Variants in ZNF609 observed in about 807,000 individuals in gnomAD.
ZNF609 encodes the protein zinc finger protein 609.
A neutral mutation model predicts 109.5 loss-of-function variants in ZNF609; 11 were observed. The ratio of observed to expected loss-of-function variants is 0.10; its 90% CI spans 0.06 to 0.17. The LOEUF is 0.17. Ranked by LOEUF, ZNF609 falls within the 10% of genes least tolerant of loss-of-function variation. The pLI is 1.00. For missense variants in ZNF609, 1,559 were observed against 1,772.4 expected (o/e 0.88, Z 2.16); for synonymous variants, 646 against 662.0 (o/e 0.98, Z 0.37).
rs1476865311 is a variant in ZNF609 at position 64,675,971 on chromosome 15, G to C, written c.3117G>C (p.Glu1039Asp). The change falls in exon 5 of 10, where the codon GAG (glutamate) becomes GAC (aspartate). Residue 1039 changes from glutamate (E) to aspartate (D), a missense_variant. Transcript: ENST00000326648. ...LKEREAALKEEWKQKPSIPPT... is the reference protein window; with the variant it reads ...LKEREAALKEDWKQKPSIPPT... ...AGCGGGAGGCAGCACTCAAGGAAGA[G>C]TGGAAGCAAAAGCCGTCAATTCCAC... The C allele has an allele frequency of 6.2e-7, 1 of 1,614,112 alleles. No individual in the cohort carries two copies. Among genetic ancestry groups the C allele is most frequent in the African/African-American group, 1.3e-5 (1 of 74,938 alleles).
chr15:64,523,813 G>A (rs1595707021), intron 2 of ZNF609, among the ~76,000 whole-genome samples: 1 of 151,812 alleles, frequency 6.6e-6, no homozygotes, highest in East Asian at 1.9e-4. Context: ...TAAATTTCAT[G>A]TGAATGGAAG....
intron 2 of ZNF609, among the ~76,000 whole-genome samples, chr15:64,604,598 T>C (rs1337052585): frequency 6.6e-6 from 1 of 152,204 alleles, no homozygotes; most frequent in African/African-American, 2.4e-5. Context: ...AAATAAAATG[T>C]ATGCATATAA....
intron 2 of ZNF609, among the ~76,000 whole-genome samples, chr15:64,620,977 G>A (rs1300739737): frequency 1.3e-5 from 2 of 152,114 alleles, no homozygotes; most frequent in African/African-American, 2.4e-5. Flanking sequence ...CTTGGCTTAC[G>A]GATACATGTA....
chr15:64,470,407 A>G (rs1893076597), intron 1 of ZNF609: 1 of 152,208 alleles, frequency 6.6e-6, no homozygotes, highest in Non-Finnish European at 1.5e-5. Context: ...AGTATGACGA[A>G]CAAGGGGGTA....
chr15:64,663,668 G>A (rs1896609987), intron 3 of ZNF609, among the ~76,000 whole-genome samples: 2 of 152,100 alleles, frequency 1.3e-5, no homozygotes, highest in Admixed American at 6.6e-5. Flanking sequence ...ATGGTGTTCT[G>A]GAAGCCAAGT....
chr15:64,519,078 G>A (rs1321582588), intron 2 of ZNF609, among the ~76,000 whole-genome samples: 1 of 123,268 alleles, frequency 8.1e-6, no homozygotes, highest in Non-Finnish European at 1.6e-5. Context: ...GATGCTGAGA[G>A]CCTATAATTA....
intron 2 of ZNF609, among the ~76,000 whole-genome samples, chr15:64,569,785 G>A (rs1894832473): frequency 6.6e-6 from 1 of 152,230 alleles, no homozygotes. Context: ...CCATCCTTTT[G>A]TGTGTATCAT....
At chr15:64,584,333 A>G (rs1271219001) in intron 2 of ZNF609, among the ~76,000 whole-genome samples, 2 of 151,832 alleles carry the variant, frequency 1.3e-5, no homozygotes, top group African/African-American at 2.4e-5. Context: ...TTATTTATTT[A>G]TTTATTTTTT....
intron 1 of ZNF609, among the ~76,000 whole-genome samples, chr15:64,479,443 C>T (rs1337664002): frequency 6.6e-6 from 1 of 151,802 alleles, no homozygotes; most frequent in Non-Finnish European, 1.5e-5. Flanking sequence ...AGGTGCCCAC[C>T]ACCACGCCTG....
At chr15:64,471,402 T>C (rs1893089838) in intron 1 of ZNF609, 1 of 151,894 alleles carries the variant, frequency 6.6e-6, no homozygotes, top group African/African-American at 2.4e-5. Context: ...GTAGAAAAAT[T>C]TGGTAGGCAA....
At chr15:64,660,765 G>C (rs1185838201) in intron 3 of ZNF609, among the ~76,000 whole-genome samples, 1 of 151,934 alleles carries the variant, frequency 6.6e-6, no homozygotes, top group Admixed American at 6.6e-5. Context: ...TGCTTTTTCC[G>C]CTGCCTAAAA....
intron 1 of ZNF609, among the ~76,000 whole-genome samples, chr15:64,465,341 A>G (rs902555473): frequency 2.0e-5 from 3 of 151,974 alleles, no homozygotes; most frequent in Non-Finnish European, 2.9e-5. Flanking sequence ...ATATTTCCCC[A>G]CATGAAGTTT....
chr15:64,534,072 C>T (rs1894100823), intron 2 of ZNF609, among the ~76,000 whole-genome samples: 1 of 148,376 alleles, frequency 6.7e-6, no homozygotes, highest in Admixed American at 6.8e-5. Flanking sequence ...AGTGCAATGG[C>T]ACAACCTCAG....
In ZNF609 at chr15:64,675,619, A is replaced by G; in HGVS notation, c.2765A>G (p.Gln922Arg). ...AGCAGCCAGGCAGGAGTGGAGAGCCAGGCCCTGAAGACAAAAAGGGATGAG... is the reference window on the plus strand; with the variant it reads ...AGCAGCCAGGCAGGAGTGGAGAGCCGGGCCCTGAAGACAAAAAGGGATGAG... ...NPSSQAGVES[Q>R]ALKTKRDEEP... Residue 922 changes from glutamine (Q) to arginine (R), a missense_variant, in exon 5 of 10, where the codon CAG (glutamine) becomes CGG (arginine). Gln to Arg is a conservative substitution (Grantham distance 43). Transcript: ENST00000326648. 1 of 1,614,104 alleles carries G rather than the reference A, an allele frequency of 6.2e-7. No homozygotes were observed. Among genetic ancestry groups the G allele is most frequent in the Non-Finnish European group, 8.5e-7 (1 of 1,180,038 alleles).
intron 2 of ZNF609, among the ~76,000 whole-genome samples, chr15:64,518,133 A>G (rs1235381486): frequency 6.6e-6 from 1 of 152,198 alleles, no homozygotes; most frequent in Non-Finnish European, 1.5e-5. Flanking sequence ...TATTATAACA[A>G]ACTTTGATGA....
intron 3 of ZNF609, among the ~76,000 whole-genome samples, chr15:64,657,404 A>G (rs1896506091): frequency 6.6e-6 from 1 of 151,934 alleles, no homozygotes; most frequent in Non-Finnish European, 1.5e-5. Flanking sequence ...TCATGAGGTC[A>G]AGAGATTGAG....
At chr15:64,547,533 C>T (rs142137622) in intron 2 of ZNF609, among the ~76,000 whole-genome samples, 1 of 152,130 alleles carries the variant, frequency 6.6e-6, no homozygotes, top group Non-Finnish European at 1.5e-5. Context: ...GGAAAGTAGG[C>T]CCTGTGCTCT....
At chr15:64,553,701 C>A (rs1894528767) in intron 2 of ZNF609, among the ~76,000 whole-genome samples, 1 of 151,918 alleles carries the variant, frequency 6.6e-6, no homozygotes, top group South Asian at 2.1e-4. Context: ...TGGGTTCACG[C>A]CATTCTCCTG....
chr15:64,667,139 A>G (rs749620691), intron 3 of ZNF609, among the ~76,000 whole-genome samples: 75 of 152,140 alleles, frequency 4.9e-4, no homozygotes, highest in Non-Finnish European at 1.6e-4. Flanking sequence ...TCAAAAAAAC[A>G]AAACAAACAA....
Sources: allele counts gnomAD v4.1 joint callset (sites outside exome capture counted in the v4.1 genomes callset), GRCh38; gene constraint gnomAD v4.1.1; transcripts MANE v1.5; gene names NCBI Gene and HGNC (gene_info 2026-07-23, HGNC 2026-07-21).